ULK4: variants seen among roughly 807,000 people sequenced by gnomAD.
ULK4 encodes unc-51 like kinase 4, also known as inactive serine/threonine-protein kinase ULK4.
A neutral mutation model predicts 160.6 loss-of-function variants in ULK4; 133 were observed. That is an observed-to-expected ratio of 0.83 (90% CI 0.72 to 0.96). The LOEUF (loss-of-function observed/expected upper bound fraction) is 0.96, where lower values mean the gene tolerates loss of function less well. Among genes scored for constraint, ULK4 ranks in the 40% least tolerant of loss-of-function variants. The pLI is 0.00. For missense variants in ULK4, 1,580 were observed against 1,499.5 expected, an observed-to-expected ratio of 1.05 and a Z score of -0.89; for synonymous variants, 534 against 539.8, an observed-to-expected ratio of 0.99 and a Z score of 0.15.
At chr3:41,850,517 G>C (rs1211343845) in intron 17 of ULK4, among the ~76,000 whole-genome samples, 1 of 151,912 alleles carries the variant, frequency 6.6e-6, no homozygotes, top group African/African-American at 2.4e-5. Flanking sequence ...ACTGGTGTGA[G>C]ATGGTATCTC....
At chr3:41,543,971 G>A (rs2086775577) in intron 32 of ULK4, among the ~76,000 whole-genome samples, 1 of 152,008 alleles carries the variant, frequency 6.6e-6, no homozygotes, top group Non-Finnish European at 1.5e-5. Flanking sequence ...GCAGTTCTTT[G>A]CACATACTTA....
intron 13 of ULK4, 32 bp from the exon 14 acceptor site, chr3:41,898,524 A>G (rs989545216): frequency 6.4e-6 from 9 of 1,407,544 alleles, no homozygotes; most frequent in African/African-American, 1.4e-5. Context: ...AGCTTTTGAG[A>G]CAATTTTTAA....
intron 29 of ULK4, among the ~76,000 whole-genome samples, chr3:41,675,228 G>A (rs1406389170): frequency 6.6e-6 from 1 of 151,066 alleles, no homozygotes; most frequent in Non-Finnish European, 1.5e-5. Flanking sequence ...GACAAAGCAA[G>A]ACTCCGTCTC....
intron 30 of ULK4, among the ~76,000 whole-genome samples, chr3:41,617,346 C>A (rs1296294349): frequency 6.6e-6 from 1 of 152,212 alleles, no homozygotes; most frequent in Admixed American, 6.5e-5. Flanking sequence ...CAACAGGGGT[C>A]GACAGACACC....
intron 35 of ULK4, among the ~76,000 whole-genome samples, chr3:41,266,698 C>T (rs540648640): frequency 2.6e-4 from 39 of 152,192 alleles, no homozygotes; most frequent in Admixed American, 9.2e-4. Context: ...TTCATGAACC[C>T]CAGTTCAAAT....
In ULK4 at chr3:41,706,900, T is replaced by TATAGAGAG. The variant is rs369390361; in HGVS notation, c.2635-1596_2635-1595insCTCTCTAT. On this transcript the variant is annotated intron_variant, in intron 25 of 36. Coordinates refer to ENST00000301831, the MANE Select transcript of ULK4 (RefSeq NM_017886.4). ...GTGTGTGTGTGTGTGTATATATATA[T>TATAGAGAG]AGAGAGAGAGAGAGAATAGAATCTA... Among the ~76,000 whole-genome samples, 130 of 136,444 alleles carry TATAGAGAG rather than the reference T, an allele frequency of 9.5e-4. 1 individual carries two copies. Among genetic ancestry groups the TATAGAGAG allele is most frequent in the Middle Eastern group, 3.6e-3 (1 of 280 alleles). The allele number at this position is 136,444 out of a possible 152,430, so 89.5% of individuals were successfully genotyped here.
chr3:41,401,170 C>CTA (rs2082171059), intron 34 of ULK4, among the ~76,000 whole-genome samples: 1 of 152,170 alleles, frequency 6.6e-6, no homozygotes, highest in Non-Finnish European at 1.5e-5. Context: ...TAGCTCTTAG[C>CTA]AATCGTGCTG....
chr3:41,312,449 T>A (rs2080068901), intron 35 of ULK4, among the ~76,000 whole-genome samples: 1 of 152,102 alleles, frequency 6.6e-6, no homozygotes, highest in Non-Finnish European at 1.5e-5. Context: ...TTTAAAATAA[T>A]TCATAATTGA....
chr3:41,305,352 T>C (rs1050705951), intron 35 of ULK4, among the ~76,000 whole-genome samples: 5 of 152,238 alleles, frequency 3.3e-5, no homozygotes, highest in Non-Finnish European at 5.9e-5. Flanking sequence ...TGACTGAGCA[T>C]GCTGAGTGCC....
intron 31 of ULK4, among the ~76,000 whole-genome samples, chr3:41,571,221 C>T (rs530745323): frequency 6.6e-6 from 1 of 152,070 alleles, no homozygotes; most frequent in Non-Finnish European, 1.5e-5. Flanking sequence ...CATAGTGCAG[C>T]GGAGGGAGAC....
intron 34 of ULK4, among the ~76,000 whole-genome samples, chr3:41,406,025 G>A (rs1216845493): frequency 6.6e-6 from 1 of 151,994 alleles, no homozygotes; most frequent in Non-Finnish European, 1.5e-5. Context: ...TGAGGATTTA[G>A]TCCTAAATTA....
chr3:41,911,472 T>G (rs181334529), intron 10 of ULK4, 69 bp downstream of exon 10: 18 of 1,587,836 alleles, frequency 1.1e-5, no homozygotes, highest in Admixed American at 1.7e-5. Flanking sequence ...TAAAGGGACA[T>G]AACACTGAAA....
At chr3:41,486,645 T>C (rs973773392) in intron 32 of ULK4, among the ~76,000 whole-genome samples, 2 of 152,174 alleles carry the variant, frequency 1.3e-5, no homozygotes, top group African/African-American at 4.8e-5. Context: ...TTTATTTCTA[T>C]AGTTGGTCCT....
intron 30 of ULK4, among the ~76,000 whole-genome samples, chr3:41,643,956 T>C (rs1216676262): frequency 6.6e-6 from 1 of 152,164 alleles, no homozygotes; most frequent in African/African-American, 2.4e-5. Flanking sequence ...TTGAAGCAAT[T>C]GTGAATGGGA....
intron 32 of ULK4, among the ~76,000 whole-genome samples, chr3:41,526,179 T>C (rs1369706443): frequency 8.3e-6 from 1 of 120,680 alleles, no homozygotes; most frequent in Non-Finnish European, 2.0e-5. Flanking sequence ...AGACTATGTA[T>C]GATTCGTCTT....
intron 2 of ULK4, among the ~76,000 whole-genome samples, chr3:41,951,420 AACAC>A (rs902750273): frequency 6.6e-6 from 1 of 151,938 alleles, no homozygotes; most frequent in African/African-American, 2.4e-5. Context: ...AAAGCTGGAA[AACAC>A]ACACTTCCTG....
intron 35 of ULK4, among the ~76,000 whole-genome samples, chr3:41,283,842 T>TA (rs35648050): frequency 0.57 from 85,357 of 151,038 alleles, 26,040 homozygotes; most frequent in African/African-American, 0.82. Flanking sequence ...CTAGAACTGA[T>TA]AAAAAAAATT....
At chr3:41,931,520 T>C (rs991029304) in intron 5 of ULK4, among the ~76,000 whole-genome samples, 3 of 150,258 alleles carry the variant, frequency 2.0e-5, no homozygotes, top group African/African-American at 7.3e-5. Context: ...CAGAATATCA[T>C]TCACTCAACT....
Position 41,800,132 on chromosome 3 carries a change from C to A in ULK4, c.2010G>T (p.Ser670=). ...TADSLRITAV[S]ALCRITRHSP... is the part of the protein sequence containing the mutation. Reference sequence around the variant, plus strand: ...TCCCCCAAAAGATGCTTCATCTTACCGATACTGCTGTTATCCTAAGAGAAT... The same window carrying A: ...TCCCCCAAAAGATGCTTCATCTTACAGATACTGCTGTTATCCTAAGAGAAT... Residue 670 remains serine (S), a splice_region_variant and synonymous_variant, in exon 20 of 37, where the codon TCG becomes TCT. Coordinates refer to ENST00000301831, the MANE Select transcript of ULK4 (RefSeq NM_017886.4). 1.3e-6 allele frequency: 2 copies of A among 1,590,774 alleles called. No homozygotes were observed. The highest frequency in any genetic ancestry group is 1.7e-6 in the Non-Finnish European group (2 of 1,172,024).
Sources: allele counts gnomAD v4.1 joint callset (sites outside exome capture counted in the v4.1 genomes callset), GRCh38; gene constraint gnomAD v4.1.1; transcripts MANE v1.5; gene names NCBI Gene and HGNC (gene_info 2026-07-23, HGNC 2026-07-21).